The following FLRT1 variants were observed in gnomAD, a reference collection of about 807,000 sequenced individuals.
The protein encoded by FLRT1 is leucine-rich repeat transmembrane protein FLRT1.
A neutral mutation model predicts 30.9 loss-of-function variants in FLRT1; 14 were observed. The observed-to-expected ratio is 0.45, with a 90% CI of 0.30 to 0.71. The LOEUF is 0.71. Ranked by LOEUF, FLRT1 falls within the 30% of genes least tolerant of loss-of-function variation. The probability of loss-of-function intolerance (pLI) is 0.08; values close to 1 mark genes in which losing one functional copy is unlikely to be tolerated. For missense variants in FLRT1, 737 were observed against 949.2 expected, an observed-to-expected ratio of 0.78 and a Z score of 2.94; for synonymous variants, 368 against 430.4, an observed-to-expected ratio of 0.85 and a Z score of 1.80.
chr11:64,116,936 C>G lies in FLRT1; in HGVS notation c.669C>G (p.Ser223Arg). ...TGCATGCCTTCAAGGGCCTCAACAG[C>G]CTGCGGCGCCTGGTGCTGGACGGTA... is the stretch of plus-strand genomic sequence containing the variant. Reference protein sequence around the residue: ...IPLHAFKGLNSLRRLVLDGNL... With the variant: ...IPLHAFKGLNRLRRLVLDGNL... The change falls in exon 3 of 3, where the codon AGC becomes AGG. Residue 223 changes from serine to arginine, a missense_variant. Transcript: ENST00000682287. 6.2e-6 allele frequency: 10 copies of G among 1,611,422 alleles called. No individual in the cohort carries two copies. The highest frequency in any genetic ancestry group is 1.1e-5 in the South Asian group (1 of 91,082).
chr11:64,105,623 G>A (rs61884732), intron 2 of FLRT1, among the ~76,000 whole-genome samples: 1 of 152,122 alleles, frequency 6.6e-6, no homozygotes, highest in Non-Finnish European at 1.5e-5. Context: ...GACCCCACAG[G>A]CATGAGTGAC....
chr11:64,113,377 G>A (rs1287418017), intron 2 of FLRT1, among the ~76,000 whole-genome samples: 1 of 152,190 alleles, frequency 6.6e-6, no homozygotes, highest in Non-Finnish European at 1.5e-5. Flanking sequence ...TGGATGGATG[G>A]ATGGATGGAC....
chr11:64,062,417 CACCCTGGA>C (rs1943921976), intron 1 of FLRT1, among the ~76,000 whole-genome samples: 1 of 152,194 alleles, frequency 6.6e-6, no homozygotes, highest in African/African-American at 2.4e-5. Context: ...CCTCTGCCCA[CACCCTGGA>C]ACCAACTGGG....
intron 1 of FLRT1, among the ~76,000 whole-genome samples, chr11:64,070,299 C>T (rs889317508): frequency 1.3e-5 from 2 of 152,092 alleles, no homozygotes; most frequent in South Asian, 2.1e-4. Context: ...GGGAAGGAAT[C>T]GGAGCCTCCT....
intron 2 of FLRT1, among the ~76,000 whole-genome samples, chr11:64,108,994 C>G (rs749265735): frequency 2.0e-5 from 3 of 152,082 alleles, no homozygotes; most frequent in Non-Finnish European, 4.4e-5. Flanking sequence ...GGAGACGTGA[C>G]CAGCATCCAT....
intron 2 of FLRT1, among the ~76,000 whole-genome samples, chr11:64,114,432 AATGG>A (rs141357642): frequency 0.27 from 30,666 of 112,218 alleles, 5,822 homozygotes; most frequent in East Asian, 0.58. Flanking sequence ...GGGATGGTTG[AATGG>A]ATGGATGGAT....
rs1220884709 is a variant in FLRT1, at chr11:64,067,167, A to C, written c.-1038+31008A>C. On this transcript the variant is annotated intron_variant, in intron 1 of 2. Transcript: ENST00000682287. The surrounding 1 kb of genome is among the most constrained non-coding windows in gnomAD (Gnocchi z 4.6). Reference sequence around the variant, plus strand: ...GGCTGGTGGGGGTGGGAGGCCGGCCATACCCACCTGTAGGCACATGCGGCT... The same window carrying C: ...GGCTGGTGGGGGTGGGAGGCCGGCCCTACCCACCTGTAGGCACATGCGGCT... Among the ~76,000 whole-genome samples, 3 of 152,140 alleles carry C rather than the reference A, an allele frequency of 2.0e-5. No homozygotes were observed. The highest frequency in any genetic ancestry group is 7.2e-5 in the African/African-American group (3 of 41,428).
At chr11:64,059,230 C>T (rs1943850057) in intron 1 of FLRT1, among the ~76,000 whole-genome samples, 1 of 152,206 alleles carries the variant, frequency 6.6e-6, no homozygotes, top group African/African-American at 2.4e-5. Flanking sequence ...CTCCAGATTC[C>T]TCTTGCCGAG....
chr11:64,057,895 C>T lies in FLRT1; in HGVS notation c.-1038+21736C>T, dbSNP rs569084659. ...AATTCGTGAGGTCACAGGATTTGAACTCATGTGGGTGCAACCCCAAAGCCA... is the reference window on the plus strand; with the variant it reads ...AATTCGTGAGGTCACAGGATTTGAATTCATGTGGGTGCAACCCCAAAGCCA... On this transcript the variant is annotated intron_variant, in intron 1 of 2. Coordinates refer to ENST00000682287, the MANE Select transcript of FLRT1 (RefSeq NM_013280.5). Among the ~76,000 whole-genome samples, 4 of 152,344 alleles carry T rather than the reference C, an allele frequency of 2.6e-5. No individual in the cohort carries two copies. The East Asian group carries it at 5.8e-4, about 22-fold the overall frequency.
intron 1 of FLRT1, among the ~76,000 whole-genome samples, chr11:64,098,188 C>T (rs959505146): frequency 1.3e-5 from 2 of 152,206 alleles, no homozygotes; most frequent in Non-Finnish European, 2.9e-5. Context: ...CTCCATGCCT[C>T]GGCACCCTCA....
At chr11:64,051,009 G>C (rs1943683243) in intron 1 of FLRT1, among the ~76,000 whole-genome samples, 1 of 152,226 alleles carries the variant, frequency 6.6e-6, no homozygotes. Context: ...CTCTGGACCA[G>C]CCTTGCCCAG....
intron 1 of FLRT1, among the ~76,000 whole-genome samples, chr11:64,073,799 G>A (rs1364088517): frequency 1.3e-5 from 2 of 152,196 alleles, no homozygotes; most frequent in Non-Finnish European, 1.5e-5. Context: ...CCCAGCAGCC[G>A]CATCCAGCCC....
At chr11:64,051,512 C>A (rs1234612357) in intron 1 of FLRT1, among the ~76,000 whole-genome samples, 2 of 152,208 alleles carry the variant, frequency 1.3e-5, no homozygotes, top group Non-Finnish European at 2.9e-5. Context: ...GCTCCTGGCT[C>A]CTGGGCGGCA....
rs1347905945 is a variant in FLRT1, at chr11:64,067,044, A to AC, written c.-1038+30891dup. On this transcript the variant is annotated intron_variant, in intron 1 of 2. Coordinates refer to ENST00000682287, the MANE Select transcript of FLRT1 (RefSeq NM_013280.5). This position sits in a 1 kb window ranked among gnomAD's most constrained non-coding sequence, Gnocchi z 4.6. ...GGGAGATTGGATGAGGGGCTCAGGG[A>AC]CCCCCCATGCCCAATGTCCTGGCTC... Among the ~76,000 whole-genome samples, 11 of 151,830 alleles carry AC rather than the reference A, an allele frequency of 7.2e-5. No homozygotes were observed. In the South Asian group the frequency reaches 1.9e-3, roughly 26 times the overall value.
At chr11:64,092,398 G>A (rs1565228725) in intron 1 of FLRT1, among the ~76,000 whole-genome samples, 2 of 152,234 alleles carry the variant, frequency 1.3e-5, no homozygotes, top group Non-Finnish European at 2.9e-5. Flanking sequence ...TGGGGTGGGG[G>A]CAGAGGGCTC....
chr11:64,112,419 C>T (rs1319097731), intron 2 of FLRT1, among the ~76,000 whole-genome samples: 1 of 152,172 alleles, frequency 6.6e-6, no homozygotes, highest in Non-Finnish European at 1.5e-5. Flanking sequence ...GAGGCTGAAG[C>T]AGGAGGATCT....
At chr11:64,084,802 G>GAACCGTAGCCCC in intron 1 of FLRT1, among the ~76,000 whole-genome samples, 1 of 152,324 alleles carries the variant, frequency 6.6e-6, no homozygotes, top group South Asian at 2.1e-4. Flanking sequence ...GGGCAACCAA[G>GAACCGTAGCCCC]AACCGTAGCC....
At chr11:64,111,491 A>G (rs1349352415) in intron 2 of FLRT1, among the ~76,000 whole-genome samples, 1 of 152,162 alleles carries the variant, frequency 6.6e-6, no homozygotes, top group Non-Finnish European at 1.5e-5. Flanking sequence ...CATAACCTTC[A>G]CGAGCCTGGC....
intron 1 of FLRT1, among the ~76,000 whole-genome samples, chr11:64,070,875 G>A (rs1197828911): frequency 2.0e-5 from 3 of 152,072 alleles, no homozygotes; most frequent in Non-Finnish European, 2.9e-5. Flanking sequence ...AATGAATGGG[G>A]CCCCCCTCTG....
Sources: gnomAD v4.1 joint callset for allele counts (sites outside exome capture counted in the v4.1 genomes callset) on GRCh38, gnomAD v4.1.1 for gene constraint, Gnocchi (gnomAD v3.1) non-coding constraint, MANE v1.5 for transcripts, NCBI Gene and HGNC (gene_info 2026-07-23, HGNC 2026-07-21) for gene names.